Variants in TPTE observed in about 807,000 individuals in gnomAD.
The protein encoded by TPTE is transmembrane phosphatase with tensin homology, also known as putative tyrosine-protein phosphatase TPTE.
Under a neutral mutation model 84.1 loss-of-function variants are expected in TPTE, and 59 were observed. That is an observed-to-expected ratio of 0.70 (90% CI 0.57 to 0.87). TPTE has a LOEUF of 0.87. Among genes scored for constraint, TPTE ranks in the 40% least tolerant of loss-of-function variants. The pLI is 0.00. For missense variants in TPTE, 382 were observed against 659.6 expected, an observed-to-expected ratio of 0.58 and a Z score of 4.61; for synonymous variants, 130 against 223.5, an observed-to-expected ratio of 0.58 and a Z score of 3.73.
intron 3 of TPTE, among the ~76,000 whole-genome samples, chr21:10,533,897 G>T (rs566869197): frequency 3.9e-5 from 6 of 152,424 alleles, no homozygotes; most frequent in African/African-American, 1.4e-4. Context: ...CTGCAAGCTG[G>T]CAATGTGGCC....
At chr21:10,542,088 A>G (rs1445382277) in intron 5 of TPTE, among the ~76,000 whole-genome samples, 7 of 152,308 alleles carry the variant, frequency 4.6e-5, no homozygotes, top group Non-Finnish European at 7.3e-5. Flanking sequence ...ACTACCTACA[A>G]ATTGGAGTTG....
chr21:10,559,160 A>G (rs1263819710), intron 8 of TPTE, among the ~76,000 whole-genome samples: 3 of 152,308 alleles, frequency 2.0e-5, no homozygotes, highest in African/African-American at 7.2e-5. Flanking sequence ...GTTCTCTTCT[A>G]CCACCCTTTT....
chr21:10,530,869 A>G (rs1478026780), intron 3 of TPTE, among the ~76,000 whole-genome samples: 1 of 152,296 alleles, frequency 6.6e-6, no homozygotes, highest in East Asian at 1.9e-4. Flanking sequence ...AGATGGTAAC[A>G]TATTGCATTA....
chr21:10,587,550 CTT>C (rs61197958), intron 17 of TPTE, among the ~76,000 whole-genome samples: 5 of 143,214 alleles, frequency 3.5e-5, no homozygotes, highest in Admixed American at 1.4e-4. Context: ...GAAATGATTT[CTT>C]TTTTTTTTTT....
At chr21:10,567,137 G>A (rs867019377) in intron 10 of TPTE, among the ~76,000 whole-genome samples, 145 of 151,456 alleles carry the variant, frequency 9.6e-4, no homozygotes, top group Non-Finnish European at 3.1e-4. Flanking sequence ...TGAACTCATA[G>A]ACCTAGAGAG....
chr21:10,571,469 ACCT>A (rs1255277856), intron 14 of TPTE, among the ~76,000 whole-genome samples: 1 of 152,308 alleles, frequency 6.6e-6, no homozygotes, highest in Admixed American at 6.5e-5. Flanking sequence ...GAAACATTAC[ACCT>A]CCAAAGAAAC....
intron 3 of TPTE, among the ~76,000 whole-genome samples, chr21:10,531,344 G>A (rs1472846479): frequency 1.3e-5 from 2 of 152,306 alleles, no homozygotes; most frequent in Admixed American, 6.5e-5. Context: ...GGTTTAAAAA[G>A]AGACAAGCGG....
rs376594586 is a variant in TPTE at position 10,587,721 on chromosome 21, T to C, written c.1028-2741T>C. Among the ~76,000 whole-genome samples the C allele has an allele frequency of 2.6e-3, 398 of 151,164 alleles. No homozygotes were observed. In the East Asian group the frequency reaches 0.041, roughly 16 times the overall value. On this transcript the variant is annotated intron_variant, in intron 17 of 23. Transcript: ENST00000618007. ...CCTGCCACCACACCCAGCTAATTTTTGTATTTTTAGTAGAGATAGGGTTTC... is the reference window on the plus strand; with the variant it reads ...CCTGCCACCACACCCAGCTAATTTTCGTATTTTTAGTAGAGATAGGGTTTC...
chr21:10,522,586 A>G (rs559434736), intron 1 of TPTE, among the ~76,000 whole-genome samples: 54 of 152,390 alleles, frequency 3.5e-4, no homozygotes, highest in African/African-American at 1.3e-3. Context: ...GCATTTCTCT[A>G]ATAGATAGTG....
chr21:10,563,102 G>A (rs1461337272), intron 10 of TPTE, among the ~76,000 whole-genome samples: 1 of 152,306 alleles, frequency 6.6e-6, no homozygotes, highest in East Asian at 1.9e-4. Flanking sequence ...AGAGTGGCAT[G>A]ACATATTGAA....
Sources: allele counts gnomAD v4.1 joint callset (sites outside exome capture counted in the v4.1 genomes callset), GRCh38; gene constraint gnomAD v4.1.1; transcripts MANE v1.5; gene names NCBI Gene and HGNC (gene_info 2026-07-23, HGNC 2026-07-21).